The following MACROH2A1 variants were observed in gnomAD, a reference collection of about 807,000 sequenced individuals.
MACROH2A1 encodes the protein core histone macro-H2A.1.
Under a neutral mutation model 31.6 loss-of-function variants are expected in MACROH2A1, and 2 were observed. That is an observed-to-expected ratio of 0.06 (90% CI 0.03 to 0.20). The LOEUF (loss-of-function observed/expected upper bound fraction) is 0.20, where lower values mean the gene tolerates loss of function less well. Among genes scored for constraint, MACROH2A1 ranks in the 10% least tolerant of loss-of-function variants. The pLI, the probability that MACROH2A1 is intolerant of heterozygous loss-of-function variation, is 1.00. For missense variants in MACROH2A1, 230 were observed against 474.0 expected (o/e 0.49, Z 4.78); for synonymous variants, 169 against 189.6 (o/e 0.89, Z 0.89).
At chr5:135,360,119 G>A (rs1399910863) in intron 5 of MACROH2A1, 1 of 278,112 alleles carries the variant, frequency 3.6e-6, no homozygotes, top group Non-Finnish European at 6.9e-6. Context: ...GCAGGCTGCC[G>A]GCTAGGTTGT....
chr5:135,366,357 G>C (rs1461902895), intron 4 of MACROH2A1, among the ~76,000 whole-genome samples: 1 of 152,068 alleles, frequency 6.6e-6, no homozygotes, highest in Non-Finnish European at 1.5e-5. Flanking sequence ...ATATGACAGG[G>C]GCAGTGAACA....
At chr5:135,353,755 GA>G (rs1266290821) in intron 5 of MACROH2A1, 2 of 152,168 alleles carry the variant, frequency 1.3e-5, no homozygotes, top group African/African-American at 4.8e-5. Flanking sequence ...GTGGCTTATT[GA>G]GCATTTTCCT....
chr5:135,350,845 G>A, intron 6 of MACROH2A1: 1 of 1,612,188 alleles, frequency 6.2e-7, no homozygotes, highest in Non-Finnish European at 8.5e-7. Flanking sequence ...CGATGTAGAA[G>A]TCAGTGTTTG....
intron 8 of MACROH2A1, chr5:135,337,966 A>G: frequency 8.2e-7 from 1 of 1,215,564 alleles, no homozygotes; most frequent in Non-Finnish European, 1.1e-6. Context: ...CTGCTATGGG[A>G]CTGTGGCTGC....
chr5:135,368,852 C>G (rs1763838297), intron 4 of MACROH2A1, among the ~76,000 whole-genome samples: 1 of 152,178 alleles, frequency 6.6e-6, no homozygotes, highest in Admixed American at 6.5e-5. Context: ...GAGAGGGTTT[C>G]CAGCACCTAG....
At chr5:135,339,960 T>TTTATCTCACCTCTGAGGCCAATGC (rs1415053017) in intron 8 of MACROH2A1, among the ~76,000 whole-genome samples, 1 of 152,210 alleles carries the variant, frequency 6.6e-6, no homozygotes, top group Non-Finnish European at 1.5e-5. Context: ...TTTCTGTCCT[T>TTTATCTCACCTCTGAGGCCAATGC]TTATCTCACC....
chr5:135,365,559 T>A (rs775967848), intron 4 of MACROH2A1, among the ~76,000 whole-genome samples: 2 of 152,240 alleles, frequency 1.3e-5, no homozygotes, highest in Non-Finnish European at 2.9e-5. Flanking sequence ...AGGGACTTTG[T>A]TCTCTGCCAC....
At chr5:135,388,785 T>C (rs916310534) in intron 2 of MACROH2A1, 137 bp downstream of exon 2, 25 of 635,324 alleles carry the variant, frequency 3.9e-5, no homozygotes, top group Non-Finnish European at 6.0e-5. Context: ...GGTGAAAATG[T>C]TCCTTGTACT....
chr5:135,378,205 T>G (rs1367030323), intron 2 of MACROH2A1, among the ~76,000 whole-genome samples: 2 of 152,244 alleles, frequency 1.3e-5, no homozygotes, highest in African/African-American at 2.4e-5. Flanking sequence ...CTCCGACGCC[T>G]GCTGTGGCTC....
At chr5:135,384,132 C>T (rs1766070631) in intron 2 of MACROH2A1, among the ~76,000 whole-genome samples, 1 of 152,192 alleles carries the variant, frequency 6.6e-6, no homozygotes, top group Non-Finnish European at 1.5e-5. Flanking sequence ...GATTCCATCC[C>T]ACATCAGAAA....
chr5:135,397,564 G>A (rs1203885707), intron 1 of MACROH2A1, among the ~76,000 whole-genome samples: 1 of 152,168 alleles, frequency 6.6e-6, no homozygotes, highest in Non-Finnish European at 1.5e-5. Flanking sequence ...CTCTCTCCTT[G>A]TAAAACTAGA....
intron 4 of MACROH2A1, among the ~76,000 whole-genome samples, chr5:135,368,284 G>C (rs1763767356): frequency 1.3e-5 from 2 of 152,260 alleles, no homozygotes; most frequent in African/African-American, 4.8e-5. Flanking sequence ...GCTCAAAGGA[G>C]AGGACATGCT....
At chr5:135,337,326 G>C (rs1404963625) in intron 8 of MACROH2A1, among the ~76,000 whole-genome samples, 1 of 152,086 alleles carries the variant, frequency 6.6e-6, no homozygotes, top group African/African-American at 2.4e-5. Context: ...CAAGCTGGGT[G>C]AGATGTGGTA....
In MACROH2A1 at chr5:135,334,992, T is replaced by C. The variant is rs367923116; in HGVS notation, c.1103A>G (p.Lys368Arg). Residue 368 changes from lysine to arginine, a missense_variant, in exon 9 of 9, where the codon AAG becomes AGG. Around this residue, in one of 2 missense-constraint regions of MACROH2A1, gnomAD observed 183 missense variants for 319.3 expected, o/e 0.57. Transcript: ENST00000511689. ...SIGIYVQEMA[K>R]LDAN is the part of the protein sequence containing the mutation. ...TTGCTCAGCCTAGTTGGCGTCCAGC[T>C]TGGCCATTTCCTGCACATAGATGCC... 1 of 1,614,020 alleles carries C rather than the reference T, an allele frequency of 6.2e-7. No individual in the cohort carries two copies. The highest frequency in any genetic ancestry group is 1.1e-5 in the South Asian group (1 of 91,062).
intron 1 of MACROH2A1, among the ~76,000 whole-genome samples, chr5:135,391,507 T>C (rs1767235971): frequency 6.6e-6 from 1 of 152,198 alleles, no homozygotes; most frequent in Non-Finnish European, 1.5e-5. Context: ...TGGTGCTCCT[T>C]GTCTTTCCCT....
intron 6 of MACROH2A1, among the ~76,000 whole-genome samples, chr5:135,352,628 AAAAC>A (rs746459242): frequency 1.1e-4 from 16 of 152,352 alleles, no homozygotes; most frequent in Non-Finnish European, 1.9e-4. Context: ...TAAAAACAAA[AAAAC>A]AAACAAAAAC....
At chr5:135,337,561 C>A (rs555718061) in intron 8 of MACROH2A1, among the ~76,000 whole-genome samples, 1 of 152,350 alleles carries the variant, frequency 6.6e-6, no homozygotes, top group East Asian at 1.9e-4. Flanking sequence ...TATTCCTCTA[C>A]ATCAATAGTT....
In MACROH2A1 at chr5:135,353,012, C is replaced by T; in HGVS notation, c.622G>A (p.Ala208Thr). The change falls in exon 6 of 9, where the codon GCC becomes ACC. Residue 208 changes from alanine to threonine, a missense_variant. Physicochemically the swap from Ala to Thr is moderately conservative, Grantham distance 58. Transcript: ENST00000511689. Reference sequence around the variant, plus strand: ...ATTATGGCCTCCACCTCAAAGCCGGCTAAATTACTGATTTCACTGTGAATA... The same window carrying T: ...ATTATGGCCTCCACCTCAAAGCCGGTTAAATTACTGATTTCACTGTGAATA... ...NLIHSEISNL[A>T]GFEVEAIINP... 1 of 1,608,856 alleles carries T rather than the reference C, an allele frequency of 6.2e-7. No homozygotes were observed. The highest frequency in any genetic ancestry group is 8.5e-7 in the Non-Finnish European group (1 of 1,175,322).
intron 2 of MACROH2A1, among the ~76,000 whole-genome samples, chr5:135,387,197 C>T (rs530043869): frequency 1.3e-5 from 2 of 149,226 alleles, no homozygotes; most frequent in Admixed American, 6.6e-5. Flanking sequence ...GGGTGTGTCA[C>T]CTAAGTTCTG....
Sources: allele counts gnomAD v4.1 joint callset (sites outside exome capture counted in the v4.1 genomes callset), GRCh38; gene constraint gnomAD v4.1.1; regional missense constraint gnomAD v4.1.1; transcripts MANE v1.5; gene names NCBI Gene and HGNC (gene_info 2026-07-23, HGNC 2026-07-21).